Variants in DGLUCY observed in about 807,000 individuals in gnomAD.
DGLUCY encodes D-glutamate cyclase.
DGLUCY carries 58 observed loss-of-function variants against 58.5 expected under a neutral mutation model. That is an observed-to-expected ratio of 0.99 (90% CI 0.80 to 1.23). The LOEUF (loss-of-function observed/expected upper bound fraction) is 1.23, where lower values mean the gene tolerates loss of function less well. DGLUCY is among the 50% of genes most tolerant of loss of function. DGLUCY has a pLI of 0.00. For synonymous variants in DGLUCY, 325 were observed against 314.1 expected, an observed-to-expected ratio of 1.03 and a Z score of -0.37; for missense variants, 779 against 784.7, an observed-to-expected ratio of 0.99 and a Z score of 0.09.
intron 1 of DGLUCY, among the ~76,000 whole-genome samples, chr14:91,117,545 G>T (rs890874102): frequency 6.6e-6 from 1 of 151,746 alleles, no homozygotes; most frequent in African/African-American, 2.4e-5. Flanking sequence ...TGTAAAATAG[G>T]GATAACAGCC....
intron 1 of DGLUCY, among the ~76,000 whole-genome samples, chr14:91,136,328 CA>C (rs2140228685): frequency 6.6e-6 from 1 of 152,176 alleles, no homozygotes; most frequent in African/African-American, 2.4e-5. Flanking sequence ...GACAAGTTAA[CA>C]AGAGAAAAGC....
At chr14:91,062,933 G>A (rs1346743649) in intron 1 of DGLUCY, among the ~76,000 whole-genome samples, 1 of 152,108 alleles carries the variant, frequency 6.6e-6, no homozygotes, top group Non-Finnish European at 1.5e-5. Flanking sequence ...ACTGTAATAG[G>A]TGCTAGAGAC....
chr14:91,100,002 C>G (rs1484982979), intron 1 of DGLUCY, among the ~76,000 whole-genome samples: 2 of 145,386 alleles, frequency 1.4e-5, no homozygotes, highest in Non-Finnish European at 3.0e-5. Flanking sequence ...TTGCGGTGAG[C>G]CAAGATCACG....
chr14:91,101,661 C>T (rs1209759225), intron 1 of DGLUCY, among the ~76,000 whole-genome samples: 1 of 152,168 alleles, frequency 6.6e-6, no homozygotes, highest in African/African-American at 2.4e-5. Context: ...AGTAAGTCAT[C>T]AGATATTTGA....
At chr14:91,198,639 G>A (rs868068116) in intron 10 of DGLUCY, among the ~76,000 whole-genome samples, 4 of 152,274 alleles carry the variant, frequency 2.6e-5, no homozygotes, top group South Asian at 2.1e-4. Context: ...GAGCCACTGC[G>A]CCCAGCCTGC....
chr14:91,140,762 CA>C (rs1283861163), intron 1 of DGLUCY, among the ~76,000 whole-genome samples: 3 of 152,220 alleles, frequency 2.0e-5, no homozygotes, highest in Non-Finnish European at 4.4e-5. Flanking sequence ...CACCTCTAGC[CA>C]GCAGATCTGC....
At chr14:91,084,112 G>A (rs1199008992) in intron 1 of DGLUCY, among the ~76,000 whole-genome samples, 1 of 152,034 alleles carries the variant, frequency 6.6e-6, no homozygotes, top group Non-Finnish European at 1.5e-5. Context: ...AATGAATGAG[G>A]GGTGCTGCCT....
chr14:91,220,498 G>A (rs1389506025), intron 13 of DGLUCY: 4 of 456,264 alleles, frequency 8.8e-6, no homozygotes, highest in Non-Finnish European at 1.8e-5. Flanking sequence ...GTGGCAGCAG[G>A]TGGCCTATGC....
intron 11 of DGLUCY, among the ~76,000 whole-genome samples, chr14:91,201,427 T>C (rs1463531275): frequency 1.3e-5 from 2 of 151,888 alleles, no homozygotes; most frequent in Non-Finnish European, 2.9e-5. Flanking sequence ...GCTTCCCGAG[T>C]AGCTAGGACT....
At chr14:91,156,145 G>A (rs1304566589) in intron 1 of DGLUCY, among the ~76,000 whole-genome samples, 5 of 148,558 alleles carry the variant, frequency 3.4e-5, no homozygotes, top group African/African-American at 1.0e-4. Flanking sequence ...ATGGAGTCTC[G>A]CTCTGTTGCC....
chr14:91,089,320 C>A (rs2044271729), intron 1 of DGLUCY, among the ~76,000 whole-genome samples: 1 of 152,108 alleles, frequency 6.6e-6, no homozygotes, highest in Non-Finnish European at 1.5e-5. Flanking sequence ...AGAGAAAAGG[C>A]AACTAGAGCC....
chr14:91,078,887 T>TATTC (rs1262081843), intron 1 of DGLUCY, among the ~76,000 whole-genome samples: 8 of 147,488 alleles, frequency 5.4e-5, no homozygotes. Flanking sequence ...TTTATTTATT[T>TATTC]ATTTATTTAT....
At chr14:91,104,182 C>T (rs1299481304), upstream of DGLUCY, among the ~76,000 whole-genome samples, 1 of 150,408 alleles carries the variant, frequency 6.6e-6, no homozygotes, top group East Asian at 2.0e-4. Context: ...CCTGCCTCAG[C>T]CTCCTGAGTA....
chr14:91,200,826 G>A (rs566765341), intron 11 of DGLUCY, among the ~76,000 whole-genome samples: 79 of 152,292 alleles, frequency 5.2e-4, no homozygotes, highest in African/African-American at 1.8e-3. Context: ...GTGCAGGCAG[G>A]CTGAGTCCGA....
chr14:91,156,775 C>T (rs758428428), intron 1 of DGLUCY, among the ~76,000 whole-genome samples: 1 of 152,178 alleles, frequency 6.6e-6, no homozygotes, highest in East Asian at 1.9e-4. Flanking sequence ...CTCATCTCAC[C>T]TCACTTCTAG....
intron 1 of DGLUCY, among the ~76,000 whole-genome samples, chr14:91,157,107 ATGGATGGATGGG>A (rs1566971632): frequency 1.0e-3 from 149 of 142,496 alleles, no homozygotes; most frequent in Non-Finnish European, 1.7e-3. Flanking sequence ...GGGTGGATGG[ATGGATGGATGGG>A]TGGATGGATG....
intron 1 of DGLUCY, among the ~76,000 whole-genome samples, chr14:91,142,801 T>G: frequency 1.8e-5 from 1 of 56,384 alleles, no homozygotes. Context: ...CCATCTCTAC[T>G]AAACACACAC....
At chr14:91,223,924 C>G in intron 13 of DGLUCY, 1 of 273,256 alleles carries the variant, frequency 3.7e-6, no homozygotes, top group Non-Finnish European at 7.3e-6. Flanking sequence ...AGACTCAAGT[C>G]AGACCTTTCT....
At chr14:91,083,195 A>G (rs145238693) in intron 1 of DGLUCY, among the ~76,000 whole-genome samples, 49 of 152,240 alleles carry the variant, frequency 3.2e-4, no homozygotes, top group African/African-American at 1.1e-3. Context: ...TCTCCACCAC[A>G]TCGGAGGTAG....
Sources: gnomAD v4.1 joint callset for allele counts (sites outside exome capture counted in the v4.1 genomes callset) on GRCh38, gnomAD v4.1.1 for gene constraint, MANE v1.5 for transcripts, NCBI Gene and HGNC (gene_info 2026-07-23, HGNC 2026-07-21) for gene names.